GOLGA3: variants seen among roughly 807,000 people sequenced by gnomAD.
The protein encoded by GOLGA3 is golgin subfamily A member 3.
GOLGA3 carries 75 observed loss-of-function variants against 169.4 expected under a neutral mutation model. The ratio of observed to expected loss-of-function variants is 0.44; its 90% CI spans 0.37 to 0.54. The LOEUF (loss-of-function observed/expected upper bound fraction) is 0.54. Among genes scored for constraint, GOLGA3 ranks in the 20% least tolerant of loss-of-function variants. The pLI, the probability that GOLGA3 is intolerant of heterozygous loss-of-function variation, is 0.00. For missense variants in GOLGA3, 1,899 were observed against 1,930.0 expected (o/e 0.98, Z 0.30); for synonymous variants, 824 against 822.4 (o/e 1.00, Z -0.03).
chr12:132,796,101 G>C lies in GOLGA3; in HGVS notation c.2220C>G (p.Leu740=). The C allele has an allele frequency of 6.2e-7, 1 of 1,613,006 alleles. No homozygotes were observed. Among genetic ancestry groups the C allele is most frequent in the East Asian group, 2.2e-5 (1 of 44,870 alleles). ...QEALQSREQS[L]DALQTHYDEL... ...CATCGTAGTGTGTCTGCAGGGCATCGAGGGACTGCTCCCTGCTCTGCAGAG... is the reference window on the plus strand; with the variant it reads ...CATCGTAGTGTGTCTGCAGGGCATCCAGGGACTGCTCCCTGCTCTGCAGAG... The change falls in exon 11 of 24, where the codon CTC becomes CTG. Residue 740 remains leucine, a synonymous_variant. Coordinates refer to ENST00000450791, the MANE Select transcript of GOLGA3 (RefSeq NM_001389683.1).
Position 132,796,591 on chromosome 12 carries a change from C to A in GOLGA3, c.2048G>T (p.Arg683Leu), listed in dbSNP as rs762633000. The A allele has an allele frequency of 6.2e-7, 1 of 1,613,862 alleles. No individual in the cohort carries two copies. The highest frequency in any genetic ancestry group is 2.2e-5 in the East Asian group (1 of 44,880). The part of the protein sequence containing the change: ...RLEEFEGERE[R>L]LQRMADSAAS... ...CGCCGAGTCCGCCATCCTCTGCAGC[C>A]GCTCCCTCTCACCTTCAAACTCTTC... The change falls in exon 10 of 24, where the codon CGG (arginine) becomes CTG (leucine). Residue 683 changes from arginine (R) to leucine (L), a missense_variant. Transcript: ENST00000450791.
chr12:132,817,549 TC>T (rs1950022936), intron 2 of GOLGA3, among the ~76,000 whole-genome samples: 1 of 27,608 alleles, frequency 3.6e-5, no homozygotes. Context: ...GAACCCACCC[TC>T]CACACCTCCA....
rs1356900362 is a variant in GOLGA3 at position 132,772,778 on chromosome 12, G to A, written c.*327C>T. On this transcript the variant is annotated 3_prime_UTR_variant, in exon 24 of 24. Transcript: ENST00000450791. ...CTGTCACACAGCTGCTCCCAGTTAC[G>A]CAGCCTCTCCCTGTCACCCGCAGAG... 1.4e-5 allele frequency: 3 copies of A among 221,078 alleles called. No individual in the cohort carries two copies. The highest frequency in any genetic ancestry group is 2.7e-5 in the Non-Finnish European group (3 of 111,888). 13.7% of individuals were successfully genotyped at this position (221,078 alleles called of 1,614,324 possible).
chr12:132,787,589 AGAACCCCTG>A (rs2045968355), intron 13 of GOLGA3, among the ~76,000 whole-genome samples: 1 of 25,480 alleles, frequency 3.9e-5, no homozygotes, highest in Non-Finnish European at 6.8e-5. Flanking sequence ...ACCCCTCCCC[AGAACCCCTG>A]GGACCCTTCC....
chr12:132,782,866 ACT>A (rs1260246100), intron 16 of GOLGA3, among the ~76,000 whole-genome samples: 1 of 141,384 alleles, frequency 7.1e-6, no homozygotes, highest in Admixed American at 7.4e-5. Flanking sequence ...ACACAGCGAG[ACT>A]CTGTCTCAAA....
intron 16 of GOLGA3, 128 bp downstream of exon 16, chr12:132,784,036 G>A: frequency 2.0e-6 from 3 of 1,532,520 alleles, no homozygotes; most frequent in Non-Finnish European, 2.6e-6. Flanking sequence ...TCAGAAGGTG[G>A]CAACACCAAA....
At chr12:132,794,545 C>T (rs577766598) in intron 11 of GOLGA3, among the ~76,000 whole-genome samples, 4 of 152,160 alleles carry the variant, frequency 2.6e-5, no homozygotes, top group Non-Finnish European at 5.9e-5. Flanking sequence ...CTGGGGAAAA[C>T]AGCCCAACCC....
At chr12:132,791,355 A>G in intron 11 of GOLGA3, 62 bp from the exon 12 acceptor site, 1 of 914,022 alleles carries the variant, frequency 1.1e-6, no homozygotes. Context: ...CTGTCTGCAC[A>G]GATGTTACAC....
intron 2 of GOLGA3, among the ~76,000 whole-genome samples, 188 bp downstream of exon 2, chr12:132,821,808 C>T (rs1187574325): frequency 2.2e-5 from 3 of 139,518 alleles, no homozygotes; most frequent in African/African-American, 5.1e-5. Flanking sequence ...GAGCCGAGAT[C>T]ACGCCACTGC....
rs771205354 is a variant in GOLGA3 at position 132,777,718 on chromosome 12, G to C, written c.3670C>G (p.Gln1224Glu). The C allele has an allele frequency of 8.7e-6, 14 of 1,614,006 alleles. No homozygotes were observed. Among genetic ancestry groups the C allele is most frequent in the Middle Eastern group, 1.6e-4 (1 of 6,084 alleles). The change falls in exon 19 of 24, where the codon CAG becomes GAG. Residue 1224 changes from glutamine to glutamate, a missense_variant. By Grantham distance (29) the Gln-to-Glu change is conservative. Coordinates refer to ENST00000450791, the MANE Select transcript of GOLGA3 (RefSeq NM_001389683.1). The surrounding 1 kb of genome is among the most constrained non-coding windows in gnomAD (Gnocchi z 4.7). ...TTCTGCACCAGGTGTTCCTTGGCCTGCAGCTCCTTCTTCACCTCACTCAGC... is the reference window on the plus strand; with the variant it reads ...TTCTGCACCAGGTGTTCCTTGGCCTCCAGCTCCTTCTTCACCTCACTCAGC... ...LELSEVKKELQAKEHLVQKLQ... is the reference protein window; with the variant it reads ...LELSEVKKELEAKEHLVQKLQ...
chr12:132,826,029 CTG>C, intron 1 of GOLGA3: 1 of 1,223,668 alleles, frequency 8.2e-7, no homozygotes, highest in South Asian at 1.2e-5. Context: ...AAGAACATGT[CTG>C]TACACCTGTT....
At chr12:132,796,934 C>A (rs936176116) in intron 9 of GOLGA3, among the ~76,000 whole-genome samples, 12 of 152,170 alleles carry the variant, frequency 7.9e-5, no homozygotes, top group Non-Finnish European at 1.3e-4. Flanking sequence ...AGGACTTGGA[C>A]CCACTGGTGA....
intron 11 of GOLGA3, among the ~76,000 whole-genome samples, chr12:132,795,187 A>G (rs933249152): frequency 2.7e-5 from 4 of 148,706 alleles, no homozygotes; most frequent in African/African-American, 9.8e-5. Context: ...CTCCATCTCA[A>G]AAAAAAAAAA....
chr12:132,782,862 C>T (rs374113071), intron 16 of GOLGA3, among the ~76,000 whole-genome samples: 17 of 137,474 alleles, frequency 1.2e-4, no homozygotes, highest in African/African-American at 4.1e-4. Flanking sequence ...GGCAACACAG[C>T]GAGACTCTGT....
Position 132,772,543 on chromosome 12 carries a change from C to CAAAAAAAAAAAAAAAAAAAAAAAAAA in GOLGA3, c.*561_*562insTTTTTTTTTTTTTTTTTTTTTTTTTT. On this transcript the variant is annotated 3_prime_UTR_variant, in exon 24 of 24. Coordinates refer to ENST00000450791, the MANE Select transcript of GOLGA3 (RefSeq NM_001389683.1). Reference sequence around the variant, plus strand: ...TGGGCAACAAAGCGAGACTCTGTCTCAAAAAAAAAAAAAAAAAAAAAACAA... The same window carrying CAAAAAAAAAAAAAAAAAAAAAAAAAA: ...TGGGCAACAAAGCGAGACTCTGTCTCAAAAAAAAAAAAAAAAAAAAAAAAAAAAAAAAAAAAAAAAAAAAAAAACAA... 1.2e-5 allele frequency: 1 copy of CAAAAAAAAAAAAAAAAAAAAAAAAAA among 86,162 alleles called. No homozygotes were observed. The highest frequency in any genetic ancestry group is 2.1e-5 in the Non-Finnish European group (1 of 47,676). 5.3% of individuals were successfully genotyped at this position (86,162 alleles called of 1,614,324 possible).
Position 132,796,786 on chromosome 12 carries a change from C to T in GOLGA3, c.1939-86G>A, listed in dbSNP as rs1484776531. On this transcript the variant is annotated intron_variant, in intron 9 of 23. Transcript: ENST00000450791. ...TGGCCCCGTGCTCTGCAGAGAAACC[C>T]ACCGCCCTGGCATGGGCCCCATCCA... is the stretch of plus-strand genomic sequence containing the variant. 6.7e-6 allele frequency: 9 copies of T among 1,351,974 alleles called. No individual in the cohort carries two copies. In the East Asian group the frequency reaches 2.1e-4, roughly 31 times the overall value. The allele number at this position is 1,351,974 out of a possible 1,614,324, so 83.7% of individuals were successfully genotyped here.
chr12:132,796,074 C>T lies in GOLGA3; in HGVS notation c.2247G>A (p.Glu749=), dbSNP rs1310092740. ...SLDALQTHYD[E]LQARLGELQG... is the part of the protein sequence containing the mutation. ...GCAGCTCCCCCAGCCTGGCCTGCAGCTCATCGTAGTGTGTCTGCAGGGCAT... is the reference window on the plus strand; with the variant it reads ...GCAGCTCCCCCAGCCTGGCCTGCAGTTCATCGTAGTGTGTCTGCAGGGCAT... Residue 749 remains glutamate, a synonymous_variant, in exon 11 of 24, where the codon GAG becomes GAA. Transcript: ENST00000450791. 4 of 1,612,918 alleles carry T rather than the reference C, an allele frequency of 2.5e-6. No homozygotes were observed. In the African/African-American group the frequency reaches 4.0e-5, roughly 16 times the overall value.
Position 132,804,637 on chromosome 12 carries a change from G to A in GOLGA3, c.1597+79C>T, listed in dbSNP as rs1319092678. 1 of 1,205,516 alleles carries A rather than the reference G, an allele frequency of 8.3e-7. No homozygotes were observed. Among genetic ancestry groups the A allele is most frequent in the East Asian group, 2.3e-5 (1 of 42,682 alleles). 74.7% of individuals were successfully genotyped at this position (1,205,516 alleles called of 1,614,324 possible). ...CCAGTCAGGGAAGGAGGAGGGCGTG[G>A]CGGGGGCCAGTCGAGGAAGGAGGAG... On this transcript the variant is annotated intron_variant, in intron 7 of 23. Transcript: ENST00000450791. This position sits in a 1 kb window ranked among gnomAD's most constrained non-coding sequence, Gnocchi z 4.1.
At chr12:132,792,144 G>A (rs1948560815) in intron 11 of GOLGA3, among the ~76,000 whole-genome samples, 1 of 152,212 alleles carries the variant, frequency 6.6e-6, no homozygotes, top group Admixed American at 6.5e-5. Flanking sequence ...CTGCACAGAT[G>A]TTATAGGAAG....
Sources: allele counts gnomAD v4.1 joint callset (sites outside exome capture counted in the v4.1 genomes callset), GRCh38; gene constraint gnomAD v4.1.1; non-coding constraint Gnocchi (gnomAD v3.1); transcripts MANE v1.5; gene names NCBI Gene and HGNC (gene_info 2026-07-23, HGNC 2026-07-21).